The following UGT1A4 variants were observed in gnomAD, a reference collection of about 807,000 sequenced individuals.
UGT1A4 encodes UDP glucuronosyltransferase family 1 member A4, also known as UDP-glucuronosyltransferase 1A4.
In UGT1A4, 32 loss-of-function variants were observed where a neutral mutation model predicts 41.1. That is an observed-to-expected ratio of 0.78 (90% CI 0.59 to 1.05). The LOEUF (loss-of-function observed/expected upper bound fraction) is 1.05, where lower values mean the gene tolerates loss of function less well. Among genes scored for constraint, UGT1A4 ranks in the 50% least tolerant of loss-of-function variants. The probability of loss-of-function intolerance (pLI) is 0.00; values close to 1 mark genes in which losing one functional copy is unlikely to be tolerated. For synonymous variants in UGT1A4, 283 were observed against 265.1 expected, an observed-to-expected ratio of 1.07 and a Z score of -0.66; for missense variants, 748 against 677.4, an observed-to-expected ratio of 1.10 and a Z score of -1.16.
At chr2:233,743,741 G>A (rs374389189) in intron 1 of UGT1A4, 31 of 1,367,230 alleles carry the variant, frequency 2.3e-5, no homozygotes, top group Admixed American at 3.8e-5. Flanking sequence ...GCGTTTCTTG[G>A]CGTCCGACAA....
intron 4 of UGT1A4, among the ~76,000 whole-genome samples, chr2:233,768,726 G>T (rs929247208): frequency 2.6e-5 from 4 of 151,498 alleles, no homozygotes; most frequent in Non-Finnish European, 5.9e-5. Flanking sequence ...GGGATTACAG[G>T]TGTCCACCAC....
chr2:233,724,525 T>G (rs2077275879), intron 1 of UGT1A4, among the ~76,000 whole-genome samples: 2 of 90,906 alleles, frequency 2.2e-5, no homozygotes, highest in African/African-American at 4.9e-5. Flanking sequence ...CCAGATGGGG[T>G]CTCGCCGGGC....
At chr2:233,754,114 G>C (rs1442882252) in intron 1 of UGT1A4, among the ~76,000 whole-genome samples, 2 of 152,128 alleles carry the variant, frequency 1.3e-5, no homozygotes, top group Non-Finnish European at 2.9e-5. Flanking sequence ...CCTACATCAC[G>C]AGCATTTATG....
At chr2:233,747,277 G>A (rs1044373750) in intron 1 of UGT1A4, 304 of 1,599,338 alleles carry the variant, frequency 1.9e-4, no homozygotes, top group Non-Finnish European at 2.4e-4. Context: ...CCTTCTCAGT[G>A]CCCAGCCCTG....
intron 1 of UGT1A4, among the ~76,000 whole-genome samples, chr2:233,739,521 C>G (rs937705883): frequency 6.6e-6 from 1 of 152,212 alleles, no homozygotes; most frequent in Non-Finnish European, 1.5e-5. Context: ...GACATGAAGT[C>G]AAGGGAGATT....
In UGT1A4 at chr2:233,772,281, C is replaced by T. The variant is rs143033456; in HGVS notation, c.1327C>T (p.Arg443Cys). ...NDKSYKENIM[R>C]LSSLHKDRPV... is the part of the protein sequence containing the mutation. ...GTTTAGTTACAAGGAGAACATCATG[C>T]GCCTCTCCAGCCTTCACAAGGACCG... The change falls in exon 5 of 5, where the codon CGC becomes TGC. Residue 443 changes from arginine to cysteine, a missense_variant. Physicochemically the swap from Arg to Cys is radical, Grantham distance 180. Coordinates refer to ENST00000373409, the MANE Select transcript of UGT1A4 (RefSeq NM_007120.3). 1.3e-4 allele frequency: 210 copies of T among 1,614,084 alleles called. 1 individual carries two copies. Among genetic ancestry groups the T allele is most frequent in the Non-Finnish European group, 1.7e-4 (200 of 1,180,048 alleles).
At position 233,772,732 on chromosome 2, in the gene UGT1A4, A is replaced by G. The variant is rs1259415832; in HGVS notation, c.*173A>G. On this transcript the variant is annotated 3_prime_UTR_variant, in exon 5 of 5. Transcript: ENST00000373409. ...CTTAAATAAAAATAATAGACTCGCT[A>G]GTCAGTAAAGATATTTGAATATGTA... 4.9e-6 allele frequency: 7 copies of G among 1,442,298 alleles called. No homozygotes were observed. Among genetic ancestry groups the G allele is most frequent in the Non-Finnish European group, 6.4e-6 (7 of 1,099,406 alleles). The allele number at this position is 1,442,298 out of a possible 1,614,324, so 89.3% of individuals were successfully genotyped here.
intron 1 of UGT1A4, chr2:233,747,282 G>A: frequency 6.2e-7 from 1 of 1,600,800 alleles, no homozygotes; most frequent in Non-Finnish European, 8.5e-7. Context: ...TCAGTGCCCA[G>A]CCCTGGGCTG....
intron 1 of UGT1A4, chr2:233,743,733 G>A (rs949975964): frequency 8.8e-6 from 12 of 1,367,248 alleles, no homozygotes; most frequent in Admixed American, 7.6e-5. Flanking sequence ...TAGATATCGC[G>A]TTTCTTGGCG....
chr2:233,719,143 A>T lies in UGT1A4; in HGVS notation c.323A>T (p.Lys108Met). 6.2e-7 allele frequency: 1 copy of T among 1,614,250 alleles called. No homozygotes were observed. The highest frequency in any genetic ancestry group is 8.5e-7 in the Non-Finnish European group (1 of 1,180,050). Residue 108 changes from lysine (K) to methionine (M), a missense_variant, in exon 1 of 5, where the codon AAG becomes ATG. By Grantham distance (95) the Lys-to-Met change is moderately conservative. Transcript: ENST00000373409. Reference protein sequence around the residue: ...QGFFETEHLLKRYSRSMAIMN... With the variant: ...QGFFETEHLLMRYSRSMAIMN... ...TTCTTTGAAACAGAACATCTTCTGAAGAGATATTCTAGAAGTATGGCAATT... is the reference window on the plus strand; with the variant it reads ...TTCTTTGAAACAGAACATCTTCTGATGAGATATTCTAGAAGTATGGCAATT...
chr2:233,765,865 C>T (rs953477423), intron 1 of UGT1A4, among the ~76,000 whole-genome samples: 7 of 151,942 alleles, frequency 4.6e-5, no homozygotes, highest in South Asian at 2.1e-4. Context: ...CATGTGACAG[C>T]GGGAGGGGCT....
At chr2:233,724,276 C>T (rs2077203543) in intron 1 of UGT1A4, among the ~76,000 whole-genome samples, 1 of 135,960 alleles carries the variant, frequency 7.4e-6, no homozygotes, top group Non-Finnish European at 1.6e-5. Flanking sequence ...GGGCGGCTGG[C>T]CGGGCGGGGG....
At chr2:233,743,688 A>T (rs1211697299) in intron 1 of UGT1A4, 1 of 1,367,244 alleles carries the variant, frequency 7.3e-7, no homozygotes, top group African/African-American at 1.5e-5. Flanking sequence ...CCGCCTGTGC[A>T]GCCGCCCTCC....
At position 233,772,374 on chromosome 2, in the gene UGT1A4, C is replaced by T. The variant is rs773725816; in HGVS notation, c.1420C>T (p.His474Tyr). Reference protein sequence around the residue: ...EFVMRHKGAPHLRPAAHDLTW... With the variant: ...EFVMRHKGAPYLRPAAHDLTW... ...TGTGATGAGGCACAAGGGCGCGCCA[C>T]ACCTGCGCCCCGCAGCCCACGACCT... is the stretch of plus-strand genomic sequence containing the variant. The change falls in exon 5 of 5, where the codon CAC becomes TAC. Residue 474 changes from histidine (H) to tyrosine (Y), a missense_variant. Transcript: ENST00000373409. 1.2e-6 allele frequency: 2 copies of T among 1,614,266 alleles called. No individual in the cohort carries two copies. Among genetic ancestry groups the T allele is most frequent in the South Asian group, 2.2e-5 (2 of 91,082 alleles).
intron 1 of UGT1A4, chr2:233,761,091 C>T (rs138454262): frequency 2.5e-6 from 4 of 1,614,104 alleles, no homozygotes; most frequent in Non-Finnish European, 3.4e-6. Context: ...CTAGGCCCAT[C>T]ATGCCCAATA....
At chr2:233,755,155 T>A (rs921927491) in intron 1 of UGT1A4, 1 of 1,293,270 alleles carries the variant, frequency 7.7e-7, no homozygotes, top group Non-Finnish European at 1.0e-6. Flanking sequence ...GCTTCCTCCC[T>A]GTCCTCGGGG....
chr2:233,731,467 G>C (rs1024241459), intron 1 of UGT1A4, among the ~76,000 whole-genome samples: 1 of 152,074 alleles, frequency 6.6e-6, no homozygotes, highest in Admixed American at 6.5e-5. Context: ...CCTGGCGTGT[G>C]ATGTTCCCTG....
chr2:233,750,218 A>C (rs1694391813), intron 1 of UGT1A4, among the ~76,000 whole-genome samples: 1 of 151,876 alleles, frequency 6.6e-6, no homozygotes, highest in South Asian at 2.1e-4. Context: ...TCTCAGATGG[A>C]GATGAGGAAC....
At chr2:233,764,695 A>C (rs1698624140) in intron 1 of UGT1A4, among the ~76,000 whole-genome samples, 1 of 152,184 alleles carries the variant, frequency 6.6e-6, no homozygotes. Context: ...GAGCACTTGG[A>C]AATGAGCTGT....
Sources: allele counts gnomAD v4.1 joint callset (sites outside exome capture counted in the v4.1 genomes callset), GRCh38; gene constraint gnomAD v4.1.1; transcripts MANE v1.5; gene names NCBI Gene and HGNC (gene_info 2026-07-23, HGNC 2026-07-21).